Variants in DAB1 observed in about 807,000 individuals in gnomAD.
DAB1 encodes the protein DAB adaptor protein 1.
A neutral mutation model predicts 64.6 loss-of-function variants in DAB1; 15 were observed. The observed-to-expected ratio is 0.23, with a 90% CI of 0.16 to 0.36. The LOEUF (loss-of-function observed/expected upper bound fraction) is 0.36. DAB1 is among the 10% of genes least tolerant of loss of function. DAB1 has a pLI of 1.00. For synonymous variants in DAB1, 235 were observed against 251.9 expected (o/e 0.93, Z 0.64); for missense variants, 596 against 706.7 (o/e 0.84, Z 1.78).
chr1:57,729,057 C>T lies in DAB1; in HGVS notation n.552-79392G>A, dbSNP rs577020474. Among the ~76,000 whole-genome samples the T allele has an allele frequency of 5.4e-4, 82 of 152,266 alleles. 1 individual carries two copies. Among genetic ancestry groups the T allele is most frequent in the African/African-American group, 1.9e-3 (80 of 41,548 alleles). ...GTATTTTCCAGAATTAATGAAGTAC[C>T]TAATGTATAATTTTACATTTTATTA... is the stretch of plus-strand genomic sequence containing the variant. On this transcript the variant is annotated intron_variant and non_coding_transcript_variant, in intron 6 of 20. Transcript: ENST00000485760.
intron 1 of DAB1, among the ~76,000 whole-genome samples, chr1:58,528,236 G>T (rs898023915): frequency 1.8e-4 from 28 of 152,134 alleles, no homozygotes; most frequent in Non-Finnish European, 3.8e-4. Flanking sequence ...ATAACATAAG[G>T]ATTTAAAACT....
chr1:57,710,678 G>A (rs1310236773), intron 6 of DAB1, among the ~76,000 whole-genome samples: 1 of 151,686 alleles, frequency 6.6e-6, no homozygotes, highest in Non-Finnish European at 1.5e-5. Context: ...CTTTGCTTTA[G>A]GACTCTTGTA....
chr1:57,114,366 C>A (rs1655926873), intron 4 of DAB1, among the ~76,000 whole-genome samples: 1 of 152,014 alleles, frequency 6.6e-6, no homozygotes, highest in Admixed American at 6.6e-5. Flanking sequence ...TTAATAGATT[C>A]ACTTAAAAGG....
At chr1:57,827,250 G>A (rs1652390050) in intron 1 of DAB1, among the ~76,000 whole-genome samples, 1 of 152,022 alleles carries the variant, frequency 6.6e-6, no homozygotes. Flanking sequence ...TCAAAATGAA[G>A]AACAGTTCAG....
At chr1:58,195,092 A>G (rs1031488736) in intron 4 of DAB1, among the ~76,000 whole-genome samples, 2 of 152,082 alleles carry the variant, frequency 1.3e-5, no homozygotes, top group Non-Finnish European at 2.9e-5. Flanking sequence ...GAAAAGGGCA[A>G]AAATATGAAG....
chr1:57,967,214 A>G (rs912292129), intron 5 of DAB1, among the ~76,000 whole-genome samples: 4 of 152,078 alleles, frequency 2.6e-5, no homozygotes, highest in African/African-American at 9.7e-5. Flanking sequence ...TGTCTTGCCT[A>G]TTTCTCATTA....
At chr1:57,679,768 A>G (rs1344934013) in intron 6 of DAB1, among the ~76,000 whole-genome samples, 2 of 152,252 alleles carry the variant, frequency 1.3e-5, no homozygotes, top group Non-Finnish European at 2.9e-5. Context: ...GAATAGCAAC[A>G]GGAAGCAGAG....
chr1:57,751,352 G>A (rs964692767), intron 6 of DAB1, among the ~76,000 whole-genome samples: 1 of 152,094 alleles, frequency 6.6e-6, no homozygotes, highest in Non-Finnish European at 1.5e-5. Flanking sequence ...TGGCAACTCT[G>A]AGTTCAAGGG....
intron 2 of DAB1, among the ~76,000 whole-genome samples, chr1:57,195,380 A>T (rs1162599861): frequency 6.6e-6 from 1 of 152,230 alleles, no homozygotes; most frequent in Non-Finnish European, 1.5e-5. Flanking sequence ...AATTACTTTA[A>T]CAATAAAGAT....
intron 4 of DAB1, among the ~76,000 whole-genome samples, chr1:58,242,333 CA>C (rs1156473748): frequency 6.6e-6 from 1 of 151,970 alleles, no homozygotes; most frequent in Non-Finnish European, 1.5e-5. Flanking sequence ...TTAGAAAATA[CA>C]GAAGGCATCT....
Position 57,488,366 on chromosome 1 carries a change from C to T in DAB1, n.625+161226G>A, listed in dbSNP as rs183992077. Among the ~76,000 whole-genome samples, 24 of 145,690 alleles carry T rather than the reference C, an allele frequency of 1.6e-4. 1 individual carries two copies. The highest frequency in any genetic ancestry group is 5.9e-4 in the African/African-American group (23 of 38,900). ...GCAGTGAGCCAAGATCGTGCCACTG[C>T]ACTCCAGCCTGGGCGACAGAGCCAG... On this transcript the variant is annotated intron_variant and non_coding_transcript_variant, in intron 7 of 20. Transcript: ENST00000485760.
chr1:57,918,211 T>C (rs930069740), intron 5 of DAB1, among the ~76,000 whole-genome samples: 3 of 152,118 alleles, frequency 2.0e-5, no homozygotes, highest in African/African-American at 7.2e-5. Context: ...AGACAATGTA[T>C]AAGCAAATAG....
chr1:57,958,184 G>T (rs965335438), intron 5 of DAB1, among the ~76,000 whole-genome samples: 5 of 151,980 alleles, frequency 3.3e-5, no homozygotes, highest in African/African-American at 1.2e-4. Flanking sequence ...CACCATGTTG[G>T]TCAGGCTGGT....
At chr1:57,776,550 T>C (rs1649810099) in intron 6 of DAB1, among the ~76,000 whole-genome samples, 1 of 151,886 alleles carries the variant, frequency 6.6e-6, no homozygotes, top group African/African-American at 2.4e-5. Flanking sequence ...AGTATTTTTC[T>C]GTATTCTACT....
intron 5 of DAB1, among the ~76,000 whole-genome samples, chr1:57,895,318 T>G (rs939135235): frequency 6.6e-6 from 1 of 152,154 alleles, no homozygotes; most frequent in Non-Finnish European, 1.5e-5. Context: ...ATGTGATAGA[T>G]GAAGAAGCTG....
chr1:58,409,269 T>C (rs1029499806), intron 3 of DAB1, among the ~76,000 whole-genome samples: 2 of 152,204 alleles, frequency 1.3e-5, no homozygotes, highest in Non-Finnish European at 2.9e-5. Flanking sequence ...TTTACTATCA[T>C]AATCCCCTTT....
chr1:58,203,261 A>G (rs918363732), intron 4 of DAB1, among the ~76,000 whole-genome samples: 3 of 152,208 alleles, frequency 2.0e-5, no homozygotes, highest in Admixed American at 6.5e-5. Flanking sequence ...CCAAGACACA[A>G]TTGTGATCAA....
chr1:58,374,046 T>G (rs1340582437), intron 3 of DAB1, among the ~76,000 whole-genome samples: 1 of 51,614 alleles, frequency 1.9e-5, no homozygotes, highest in East Asian at 6.2e-4. Flanking sequence ...TTCTTGTAAA[T>G]TTGTTTGAGT....
At chr1:58,086,283 A>G (rs78376975) in intron 5 of DAB1, among the ~76,000 whole-genome samples, 10,493 of 152,098 alleles carry the variant, frequency 0.069, 462 homozygotes, top group African/African-American at 0.12. Flanking sequence ...TGATAACACC[A>G]CCACCCAGTA....
Sources: allele counts gnomAD v4.1 joint callset (sites outside exome capture counted in the v4.1 genomes callset), GRCh38; gene constraint gnomAD v4.1.1; transcripts MANE v1.5; gene names NCBI Gene and HGNC (gene_info 2026-07-23, HGNC 2026-07-21).